The following CACNB2 variants were observed in gnomAD, a reference collection of about 807,000 sequenced individuals.
CACNB2 encodes the protein voltage-dependent L-type calcium channel subunit beta-2.
Under a neutral mutation model 73.3 loss-of-function variants are expected in CACNB2, and 42 were observed. The observed-to-expected ratio is 0.57, with a 90% CI of 0.45 to 0.74. CACNB2 has a LOEUF of 0.74. Ranked by LOEUF, CACNB2 falls within the 30% of genes least tolerant of loss-of-function variation. The pLI, the probability that CACNB2 is intolerant of heterozygous loss-of-function variation, is 0.00. For synonymous variants in CACNB2, 348 were observed against 310.3 expected (o/e 1.12, Z -1.28); for missense variants, 940 against 853.0 (o/e 1.10, Z -1.27).
chr10:18,227,690 G>A (rs2036050332), intron 2 of CACNB2, among the ~76,000 whole-genome samples: 2 of 152,182 alleles, frequency 1.3e-5, no homozygotes, highest in Admixed American at 1.3e-4. Flanking sequence ...ATCTACCATA[G>A]GGAAAGGGAG....
chr10:18,426,860 G>A (rs1459132585), intron 3 of CACNB2, among the ~76,000 whole-genome samples: 1 of 151,452 alleles, frequency 6.6e-6, no homozygotes, highest in Non-Finnish European at 1.5e-5. Flanking sequence ...AGGTACTTTA[G>A]CATGTTAAGG....
chr10:18,178,015 G>A (rs1437967531), intron 2 of CACNB2, among the ~76,000 whole-genome samples: 4 of 152,078 alleles, frequency 2.6e-5, no homozygotes, highest in Admixed American at 1.3e-4. Context: ...TGACCATCCT[G>A]GGAGAAGATA....
chr10:18,388,018 A>G (rs2043307692), intron 2 of CACNB2, among the ~76,000 whole-genome samples: 2 of 152,080 alleles, frequency 1.3e-5, no homozygotes, highest in South Asian at 4.1e-4. Context: ...CGGCCTCCCA[A>G]TATGCTGGGA....
At chr10:18,253,352 A>T (rs1346788992) in intron 2 of CACNB2, among the ~76,000 whole-genome samples, 1 of 152,194 alleles carries the variant, frequency 6.6e-6, no homozygotes, top group Non-Finnish European at 1.5e-5. Flanking sequence ...ATTTTAATAA[A>T]AATATATGCA....
rs1219147098 is a variant in CACNB2, at chr10:18,520,585, CTTCT to C, written c.944+1620_944+1623del. Among the ~76,000 whole-genome samples, 11 of 152,312 alleles carry C rather than the reference CTTCT, an allele frequency of 7.2e-5. No homozygotes were observed. The East Asian group carries it at 1.9e-3, about 27-fold the overall frequency. ...TCCTTTACTCAAAACCATCCAGTGA[CTTCT>C]TTTTTTCCTCTGAATGGAAACCAAA... On this transcript the variant is annotated intron_variant, in intron 9 of 13. Coordinates refer to ENST00000324631, the MANE Select transcript of CACNB2 (RefSeq NM_201596.3).
At position 18,536,209 on chromosome 10, in the gene CACNB2, T is replaced by A; in HGVS notation, c.1302+13T>A. 9.2e-7 allele frequency: 1 copy of A among 1,082,816 alleles called. No individual in the cohort carries two copies. The highest frequency in any genetic ancestry group is 1.4e-6 in the Non-Finnish European group (1 of 721,904). The allele number at this position is 1,082,816 out of a possible 1,614,324, so 67.1% of individuals were successfully genotyped here. A position where few individuals can be genotyped will look rare whatever the true frequency, so the allele number is the denominator to read the frequency against. ...TCAGTGTCCTCCAGTAAGTTATCTC[T>A]ATATACAGCATAATCCAGTTACAGA... On this transcript the variant is annotated intron_variant, in intron 12 of 13. Transcript: ENST00000324631.
rs1011101761 is a variant in CACNB2, at chr10:18,141,030, T to C, written c.120+174T>C. ...CCGGGGACCCTGCCCCTTTGCGCCT[T>C]TTCCTGGCTCTGCCTCGGCTTCCAT... is the stretch of plus-strand genomic sequence containing the variant. On this transcript the variant is annotated intron_variant, in intron 1 of 13. Coordinates refer to ENST00000324631, the MANE Select transcript of CACNB2 (RefSeq NM_201596.3). 1.8e-5 allele frequency: 28 copies of C among 1,541,354 alleles called. No individual in the cohort carries two copies. The Admixed American group carries it at 5.3e-4, about 29-fold the overall frequency.
At chr10:18,208,031 T>G (rs539641128) in intron 2 of CACNB2, among the ~76,000 whole-genome samples, 5 of 152,360 alleles carry the variant, frequency 3.3e-5, no homozygotes, top group African/African-American at 1.2e-4. Flanking sequence ...CCCTGAATTT[T>G]AGAAACCTAC....
In CACNB2 at chr10:18,518,776, G is replaced by A. The variant is rs1021829122; in HGVS notation, c.886-134G>A. Reference sequence around the variant, plus strand: ...TCAGAACTCAGAAGCAGAAAAATGCGGCAACCTCATATTGCCACTCTTTCC... The same window carrying A: ...TCAGAACTCAGAAGCAGAAAAATGCAGCAACCTCATATTGCCACTCTTTCC... On this transcript the variant is annotated intron_variant, in intron 8 of 13. Coordinates refer to ENST00000324631, the MANE Select transcript of CACNB2 (RefSeq NM_201596.3). 3.5e-5 allele frequency: 27 copies of A among 773,984 alleles called. No homozygotes were observed. The East Asian group carries it at 5.4e-4, about 16-fold the overall frequency. 47.9% of individuals were successfully genotyped at this position (773,984 alleles called of 1,614,324 possible).
At chr10:18,268,185 A>C (rs1480956608) in intron 2 of CACNB2, among the ~76,000 whole-genome samples, 1 of 152,222 alleles carries the variant, frequency 6.6e-6, no homozygotes, top group Non-Finnish European at 1.5e-5. Context: ...ATTATGTAGG[A>C]ATGTAGTGGT....
intron 2 of CACNB2, among the ~76,000 whole-genome samples, chr10:18,295,998 GTTTTTTTTTTTT>G (rs34043231): frequency 4.9e-5 from 3 of 60,760 alleles, no homozygotes; most frequent in Non-Finnish European, 8.7e-5. Context: ...CTTTTTGCGT[GTTTTTTTTTTTT>G]TTTTTTTTTT....
chr10:18,230,052 T>C lies in CACNB2; in HGVS notation c.213+79077T>C, dbSNP rs73597533. Among the ~76,000 whole-genome samples, 762 of 152,322 alleles carry C rather than the reference T, an allele frequency of 5.0e-3. 3 individuals carry two copies. The highest frequency in any genetic ancestry group is 0.018 in the African/African-American group (737 of 41,574). On this transcript the variant is annotated intron_variant, in intron 2 of 13. Coordinates refer to ENST00000324631, the MANE Select transcript of CACNB2 (RefSeq NM_201596.3). ...ATCTGAATCACTCAGTGACCAATTC[T>C]TAGTTCACTGATTGCATTCCATGAA... is the stretch of plus-strand genomic sequence containing the variant.
At chr10:18,304,074 C>A (rs1254079079) in intron 2 of CACNB2, among the ~76,000 whole-genome samples, 1 of 152,156 alleles carries the variant, frequency 6.6e-6, no homozygotes, top group African/African-American at 2.4e-5. Context: ...TCCTACCTCA[C>A]CCTCCTGAGT....
chr10:18,293,996 G>A (rs2047654081), intron 2 of CACNB2, among the ~76,000 whole-genome samples: 1 of 152,188 alleles, frequency 6.6e-6, no homozygotes, highest in South Asian at 2.1e-4. Context: ...TGGTCTTCCT[G>A]CTTTTGCCAC....
intron 2 of CACNB2, among the ~76,000 whole-genome samples, chr10:18,231,475 C>T (rs985665611): frequency 2.0e-5 from 3 of 152,270 alleles, no homozygotes; most frequent in South Asian, 4.1e-4. Flanking sequence ...CACCATGCCA[C>T]GCCATGTTCA....
At chr10:18,147,009 A>G (rs760098411) in intron 1 of CACNB2, among the ~76,000 whole-genome samples, 6 of 152,224 alleles carry the variant, frequency 3.9e-5, no homozygotes, top group Admixed American at 1.3e-4. Context: ...CAGAAGCCAC[A>G]TCATTCTTCA....
chr10:18,496,185 CAAAAAAA>C (rs57139534), intron 3 of CACNB2, among the ~76,000 whole-genome samples: 1 of 84,100 alleles, frequency 1.2e-5, no homozygotes, highest in South Asian at 4.8e-4. Context: ...GACTCAGTCT[CAAAAAAA>C]AAAAAAAAAA....
At chr10:18,463,703 T>G (rs1233764650) in intron 3 of CACNB2, among the ~76,000 whole-genome samples, 6 of 151,944 alleles carry the variant, frequency 3.9e-5, no homozygotes, top group Admixed American at 1.3e-4. Context: ...CAAAGCAGGA[T>G]TAGAGGTGGG....
chr10:18,539,819 CATATG>C lies in CACNB2; in HGVS notation c.*96_*100del. 8.3e-7 allele frequency: 1 copy of C among 1,209,286 alleles called. No homozygotes were observed. Among genetic ancestry groups the C allele is most frequent in the South Asian group, 1.4e-5 (1 of 73,262 alleles). 74.9% of individuals were successfully genotyped at this position (1,209,286 alleles called of 1,614,324 possible). A position where few individuals can be genotyped will look rare whatever the true frequency, so the allele number is the denominator to read the frequency against. Reference sequence around the variant, plus strand: ...AAGTCTTTGGGGTCTACACTGCAATCATATGTGATCTGTCTTGTAATATTTTGTAT... The same window carrying C: ...AAGTCTTTGGGGTCTACACTGCAATCTGATCTGTCTTGTAATATTTTGTAT... On this transcript the variant is annotated 3_prime_UTR_variant, in exon 14 of 14. Coordinates refer to ENST00000324631, the MANE Select transcript of CACNB2 (RefSeq NM_201596.3).
Sources: gnomAD v4.1 joint callset for allele counts (sites outside exome capture counted in the v4.1 genomes callset) on GRCh38, gnomAD v4.1.1 for gene constraint, MANE v1.5 for transcripts, NCBI Gene and HGNC (gene_info 2026-07-23, HGNC 2026-07-21) for gene names.